The following ADAM32 variants were observed in gnomAD, a reference collection of about 807,000 sequenced individuals.
The protein encoded by ADAM32 is disintegrin and metalloproteinase domain-containing protein 32.
ADAM32 carries 89 observed loss-of-function variants against 114.9 expected under a neutral mutation model. The observed-to-expected ratio is 0.77, with a 90% CI of 0.65 to 0.92. ADAM32 has a LOEUF of 0.92. Among genes scored for constraint, ADAM32 ranks in the 40% least tolerant of loss-of-function variants. The pLI is 0.00. For synonymous variants in ADAM32, 285 were observed against 307.5 expected (o/e 0.93, Z 0.77); for missense variants, 870 against 932.8 (o/e 0.93, Z 0.88).
At chr8:39,109,259 C>T (rs927533750) in intron 1 of ADAM32, among the ~76,000 whole-genome samples, 25 of 152,074 alleles carry the variant, frequency 1.6e-4, no homozygotes, top group Admixed American at 3.9e-4. Flanking sequence ...ATAAAAGTAA[C>T]GGCCAGGCGT....
chr8:39,229,288 A>G (rs1411715645), intron 14 of ADAM32, among the ~76,000 whole-genome samples: 1 of 152,202 alleles, frequency 6.6e-6, no homozygotes, highest in Admixed American at 6.5e-5. Flanking sequence ...AAGCAAAAAC[A>G]AAAAACCCAA....
At chr8:39,126,127 C>T (rs952859700) in intron 2 of ADAM32, among the ~76,000 whole-genome samples, 8 of 151,782 alleles carry the variant, frequency 5.3e-5, no homozygotes, top group African/African-American at 1.2e-4. Context: ...TGCTCGAGTT[C>T]GGGTCTTGGC....
At chr8:39,218,583 C>T (rs2129448674) in intron 12 of ADAM32, among the ~76,000 whole-genome samples, 1 of 152,310 alleles carries the variant, frequency 6.6e-6, no homozygotes, top group South Asian at 2.1e-4. Context: ...AACCACTTGA[C>T]ACAGTCCTTC....
At chr8:39,155,335 ATC>A (rs1564498460) in intron 6 of ADAM32, among the ~76,000 whole-genome samples, 3 of 152,214 alleles carry the variant, frequency 2.0e-5, no homozygotes, top group Admixed American at 6.5e-5. Flanking sequence ...ATTTATGGTA[ATC>A]TGTGTCAAGA....
At chr8:39,253,715 A>G (rs1298853110) in intron 17 of ADAM32, among the ~76,000 whole-genome samples, 2 of 151,692 alleles carry the variant, frequency 1.3e-5, no homozygotes, top group Admixed American at 1.3e-4. Context: ...CAAACCAAGG[A>G]GGTGAACGAC....
At chr8:39,172,339 G>A (rs1484269105) in intron 10 of ADAM32, among the ~76,000 whole-genome samples, 2 of 151,814 alleles carry the variant, frequency 1.3e-5, no homozygotes, top group African/African-American at 4.8e-5. Flanking sequence ...TTTCTTCAGC[G>A]TTTAAGTTCT....
rs1384674722 is a variant in ADAM32, at chr8:39,211,411, T to C, written c.1233+87T>C. On this transcript the variant is annotated intron_variant, in intron 12 of 24. Transcript: ENST00000379907. The stretch of plus-strand genomic sequence containing the variant: ...AAATGTCATATATCTCAAATGTGAA[T>C]GAGTACCATGCAGAATGTTGACAGT... The C allele has an allele frequency of 2.4e-6, 3 of 1,253,282 alleles. No individual in the cohort carries two copies. In the East Asian group the frequency reaches 8.5e-5, roughly 36 times the overall value. The allele number at this position is 1,253,282 out of a possible 1,614,324, so 77.6% of individuals were successfully genotyped here. A position where few individuals can be genotyped will look rare whatever the true frequency, so the allele number is the denominator to read the frequency against.
At chr8:39,155,405 G>A (rs924530646) in intron 6 of ADAM32, among the ~76,000 whole-genome samples, 6 of 152,196 alleles carry the variant, frequency 3.9e-5, no homozygotes, top group Non-Finnish European at 5.9e-5. Context: ...AGTAACAGAG[G>A]CAGTATAGCT....
At chr8:39,110,974 C>T (rs560190560) in intron 1 of ADAM32, among the ~76,000 whole-genome samples, 38 of 152,198 alleles carry the variant, frequency 2.5e-4, no homozygotes, top group Non-Finnish European at 5.3e-4. Context: ...CTGGGTATTT[C>T]GTATAAATGG....
chr8:39,220,192 G>A (rs4552865), intron 12 of ADAM32, among the ~76,000 whole-genome samples: 22,157 of 152,052 alleles, frequency 0.15, 1,782 homozygotes, highest in Middle Eastern at 0.26. Flanking sequence ...ATTATGTGAT[G>A]TCATTATTTA....
intron 11 of ADAM32, among the ~76,000 whole-genome samples, chr8:39,204,941 G>A (rs1036071486): frequency 7.9e-5 from 12 of 152,332 alleles, no homozygotes; most frequent in Non-Finnish European, 1.0e-4. Context: ...GTAGAACAGC[G>A]AATATTGCTG....
chr8:39,284,823 T>G lies in ADAM32; in HGVS notation c.*24T>G. 2 of 1,613,214 alleles carry G rather than the reference T, an allele frequency of 1.2e-6. No homozygotes were observed. Among genetic ancestry groups the G allele is most frequent in the Non-Finnish European group, 1.7e-6 (2 of 1,179,254 alleles). On this transcript the variant is annotated 3_prime_UTR_variant, in exon 25 of 25. Coordinates refer to ENST00000379907, the MANE Select transcript of ADAM32 (RefSeq NM_145004.7). ...AGTGATTCCTTCAGAAGGCAACGGA[T>G]AACATCGAGAGTCTCGCTAAGAAAT...
intron 2 of ADAM32, among the ~76,000 whole-genome samples, chr8:39,121,172 C>A (rs976416667): frequency 6.6e-6 from 1 of 152,150 alleles, no homozygotes; most frequent in Non-Finnish European, 1.5e-5. Context: ...AAAGATTCCT[C>A]ATGATTTAAT....
At position 39,255,104 on chromosome 8, in the gene ADAM32, T is replaced by C. The variant is rs116637270; in HGVS notation, c.2005+588T>C. On this transcript the variant is annotated intron_variant, in intron 18 of 24. Coordinates refer to ENST00000379907, the MANE Select transcript of ADAM32 (RefSeq NM_145004.7). ...CATGGTGTATATATACATCACACTT[T>C]CTTTATTCACTCACTGATTGATGGG... Among the ~76,000 whole-genome samples the C allele has an allele frequency of 3.2e-3, 485 of 152,096 alleles. 7 individuals are homozygous for C. The highest frequency in any genetic ancestry group is 9.3e-3 in the African/African-American group (387 of 41,558).
At chr8:39,124,223 C>T (rs1356348625) in intron 2 of ADAM32, among the ~76,000 whole-genome samples, 1 of 151,892 alleles carries the variant, frequency 6.6e-6, no homozygotes, top group African/African-American at 2.4e-5. Flanking sequence ...CCCCACTATG[C>T]GTCCATATGT....
At chr8:39,204,128 A>G (rs1189298884) in intron 11 of ADAM32, among the ~76,000 whole-genome samples, 2 of 152,122 alleles carry the variant, frequency 1.3e-5, no homozygotes, top group Non-Finnish European at 2.9e-5. Flanking sequence ...GCTGTTCTCA[A>G]GGAGTATCTG....
chr8:39,236,820 T>C (rs531178459), intron 16 of ADAM32, among the ~76,000 whole-genome samples: 3 of 152,224 alleles, frequency 2.0e-5, no homozygotes, highest in Non-Finnish European at 2.9e-5. Flanking sequence ...TATCAAAACT[T>C]GTGGAGGACA....
In ADAM32 at chr8:39,211,717, G is replaced by A. The variant is rs1030976512; in HGVS notation, c.1233+393G>A. ...AATGGAATCAGTAGTACAGGAATCT[G>A]TATCAATATCAATATGAACACTAGA... On this transcript the variant is annotated intron_variant, in intron 12 of 24. Coordinates refer to ENST00000379907, the MANE Select transcript of ADAM32 (RefSeq NM_145004.7). 7.2e-5 allele frequency among the ~76,000 whole-genome samples: 11 copies of A among 152,240 alleles called. No homozygotes were observed. The East Asian group carries it at 9.6e-4, about 13-fold the overall frequency.
chr8:39,241,835 A>G (rs548973450), intron 16 of ADAM32, among the ~76,000 whole-genome samples: 2 of 152,316 alleles, frequency 1.3e-5, no homozygotes, highest in African/African-American at 4.8e-5. Context: ...TTGGGTCCCC[A>G]TTACTCATGT....
Sources: allele counts gnomAD v4.1 joint callset (sites outside exome capture counted in the v4.1 genomes callset), GRCh38; gene constraint gnomAD v4.1.1; transcripts MANE v1.5; gene names NCBI Gene and HGNC (gene_info 2026-07-23, HGNC 2026-07-21).